Variants in DLG2 observed in about 807,000 individuals in gnomAD.
The protein encoded by DLG2 is discs large MAGUK scaffold protein 2.
A neutral mutation model predicts 132.5 loss-of-function variants in DLG2; 45 were observed. The observed-to-expected ratio is 0.34, with a 90% CI of 0.27 to 0.44. The LOEUF is 0.44. Among genes scored for constraint, DLG2 ranks in the 20% least tolerant of loss-of-function variants. The pLI, the probability that DLG2 is intolerant of heterozygous loss-of-function variation, is 1.00. For missense variants in DLG2, 1,045 were observed against 1,196.9 expected, an observed-to-expected ratio of 0.87 and a Z score of 1.87; for synonymous variants, 424 against 419.6, an observed-to-expected ratio of 1.01 and a Z score of -0.13.
intron 4 of DLG2, among the ~76,000 whole-genome samples, chr11:85,278,680 A>G (rs1292473041): frequency 1.3e-5 from 2 of 152,154 alleles, no homozygotes; most frequent in Admixed American, 1.3e-4. Context: ...TTACTCACAT[A>G]GTTTTCTCCA....
chr11:84,259,046 C>G (rs182363204), intron 7 of DLG2, among the ~76,000 whole-genome samples: 1 of 152,224 alleles, frequency 6.6e-6, no homozygotes, highest in East Asian at 1.9e-4. Context: ...CCAAGCCAGG[C>G]AGATCACTTG....
At chr11:85,435,401 A>T (rs561175144) in intron 3 of DLG2, among the ~76,000 whole-genome samples, 1 of 152,158 alleles carries the variant, frequency 6.6e-6, no homozygotes, top group Non-Finnish European at 1.5e-5. Flanking sequence ...ATATTCCTAT[A>T]TTTAGAAAAC....
chr11:84,585,690 C>T (rs1339150779), intron 6 of DLG2, among the ~76,000 whole-genome samples: 2 of 152,122 alleles, frequency 1.3e-5, no homozygotes, highest in African/African-American at 4.8e-5. Context: ...AATGTTTATA[C>T]ATCCTTTTTT....
intron 8 of DLG2, among the ~76,000 whole-genome samples, chr11:84,229,324 A>G (rs919626309): frequency 2.0e-5 from 3 of 152,190 alleles, no homozygotes; most frequent in Non-Finnish European, 4.4e-5. Flanking sequence ...AATTTTTTCC[A>G]GTATCATGGT....
intron 5 of DLG2, among the ~76,000 whole-genome samples, chr11:85,143,827 A>G (rs546511893): frequency 1.3e-5 from 2 of 151,874 alleles, no homozygotes; most frequent in South Asian, 4.1e-4. Context: ...ATGTTTTAAG[A>G]CTCATTTTGT....
chr11:84,158,062 G>GT (rs1286097229), intron 9 of DLG2, among the ~76,000 whole-genome samples: 3 of 148,974 alleles, frequency 2.0e-5, no homozygotes, highest in Non-Finnish European at 3.0e-5. Context: ...TTTGTGTTTT[G>GT]TTTTTTTGGT....
chr11:84,733,331 T>C, intron 6 of DLG2, among the ~76,000 whole-genome samples: 1 of 152,180 alleles, frequency 6.6e-6, no homozygotes, highest in Non-Finnish European at 1.5e-5. Flanking sequence ...ATGATCGCCA[T>C]TCTAACTGGT....
Position 83,637,484 on chromosome 11 carries a change from G to A in DLG2, c.1826-4159C>T, listed in dbSNP as rs149194593. 1.2e-3 allele frequency among the ~76,000 whole-genome samples: 189 copies of A among 152,236 alleles called. 1 individual carries two copies. The highest frequency in any genetic ancestry group is 4.4e-3 in the African/African-American group (183 of 41,554). On this transcript the variant is annotated intron_variant, in intron 18 of 27. Transcript: ENST00000376104. ...TCTGAGGTAGATATATTATTTTACAGATGAGGAAACAGAGGTTCAGAGAGG... is the reference window on the plus strand; with the variant it reads ...TCTGAGGTAGATATATTATTTTACAAATGAGGAAACAGAGGTTCAGAGAGG...
chr11:84,081,842 G>A (rs1270853074), intron 10 of DLG2, among the ~76,000 whole-genome samples: 3 of 152,214 alleles, frequency 2.0e-5, no homozygotes, highest in Non-Finnish European at 4.4e-5. Flanking sequence ...CCAGTAATGG[G>A]ATCGCTGGGT....
chr11:84,961,287 T>C (rs1010696612), intron 6 of DLG2, among the ~76,000 whole-genome samples: 3 of 151,926 alleles, frequency 2.0e-5, no homozygotes, highest in African/African-American at 7.3e-5. Flanking sequence ...CATACCAGTG[T>C]AGCTCATGCC....
chr11:85,299,456 G>C (rs1371935919), intron 3 of DLG2, among the ~76,000 whole-genome samples: 1 of 152,148 alleles, frequency 6.6e-6, no homozygotes, highest in Non-Finnish European at 1.5e-5. Flanking sequence ...AGCAGTTCCA[G>C]CTCAAAGATT....
chr11:84,152,771 T>A (rs892445258), intron 9 of DLG2, among the ~76,000 whole-genome samples: 1 of 152,228 alleles, frequency 6.6e-6, no homozygotes, highest in East Asian at 1.9e-4. Context: ...AAGACAGGTC[T>A]CTTGAAGACA....
chr11:83,923,473 C>G (rs1033672359), intron 15 of DLG2, among the ~76,000 whole-genome samples: 3 of 152,132 alleles, frequency 2.0e-5, no homozygotes, highest in Non-Finnish European at 4.4e-5. Context: ...CTTAGCTCCT[C>G]TGTGACTTCA....
At chr11:84,273,329 A>T in intron 7 of DLG2, 1 of 1,323,344 alleles carries the variant, frequency 7.6e-7, no homozygotes, top group Non-Finnish European at 9.7e-7. Flanking sequence ...AAAAAAAAAA[A>T]CCCTGCAGAT....
chr11:83,927,479 C>T (rs549967645), intron 15 of DLG2, among the ~76,000 whole-genome samples: 1 of 152,194 alleles, frequency 6.6e-6, no homozygotes, highest in East Asian at 1.9e-4. Flanking sequence ...AAGAGCTTTC[C>T]AATTCCAGGG....
chr11:83,948,479 T>A (rs74913607), intron 14 of DLG2, among the ~76,000 whole-genome samples: 1 of 152,054 alleles, frequency 6.6e-6, no homozygotes, highest in Non-Finnish European at 1.5e-5. Flanking sequence ...CTGGAACAGG[T>A]TGTGTTTCTG....
intron 18 of DLG2, among the ~76,000 whole-genome samples, chr11:83,716,053 G>A (rs1008584605): frequency 1.3e-5 from 2 of 152,190 alleles, no homozygotes; most frequent in Non-Finnish European, 2.9e-5. Context: ...TGGAGGTCAT[G>A]TTTGATTTGT....
rs571051077 is a variant in DLG2, at chr11:83,840,475, T to C, written c.1566-6705A>G. ...TGTCAAAATCTAAATTCCAGAGATA[T>C]AGATCACAAAACACAAATGGGCAAA... is the stretch of plus-strand genomic sequence containing the variant. On this transcript the variant is annotated intron_variant, in intron 16 of 27. Coordinates refer to ENST00000376104, the MANE Select transcript of DLG2 (RefSeq NM_001142699.3). Among the ~76,000 whole-genome samples, 7 of 152,252 alleles carry C rather than the reference T, an allele frequency of 4.6e-5. No individual in the cohort carries two copies. The East Asian group carries it at 1.2e-3, about 25-fold the overall frequency.
chr11:84,768,238 CT>C (rs1282958484), intron 6 of DLG2, among the ~76,000 whole-genome samples: 6 of 152,154 alleles, frequency 3.9e-5, no homozygotes, highest in African/African-American at 1.4e-4. Flanking sequence ...CTCATTATGG[CT>C]ATTTTAGTCT....
Sources: allele counts gnomAD v4.1 joint callset (sites outside exome capture counted in the v4.1 genomes callset), GRCh38; gene constraint gnomAD v4.1.1; transcripts MANE v1.5; gene names NCBI Gene and HGNC (gene_info 2026-07-23, HGNC 2026-07-21).